The following ROBO1 variants were observed in gnomAD, a reference collection of about 807,000 sequenced individuals.
The protein encoded by ROBO1 is roundabout homolog 1.
In ROBO1, 149 loss-of-function variants were observed where a neutral mutation model predicts 195.9. That is an observed-to-expected ratio of 0.76 (90% CI 0.67 to 0.87). ROBO1 has a LOEUF of 0.87. ROBO1 is among the 40% of genes least tolerant of loss of function. The pLI is 0.00. For synonymous variants in ROBO1, 816 were observed against 733.2 expected (o/e 1.11, Z -1.82); for missense variants, 1,933 against 2,068.3 (o/e 0.93, Z 1.27).
At chr3:79,584,662 T>C (rs1041820081) in intron 2 of ROBO1, among the ~76,000 whole-genome samples, 12 of 142,290 alleles carry the variant, frequency 8.4e-5, no homozygotes, top group African/African-American at 2.5e-4. Flanking sequence ...CACACACACA[T>C]ACACGTACAC....
chr3:78,898,388 T>TG (rs1363414777), intron 4 of ROBO1, among the ~76,000 whole-genome samples: 2 of 135,668 alleles, frequency 1.5e-5, no homozygotes, highest in African/African-American at 5.6e-5. Flanking sequence ...GGGTTTTTTT[T>TG]TTTTTTTTTT....
chr3:79,219,593 T>G (rs1293575017), intron 2 of ROBO1, among the ~76,000 whole-genome samples: 1 of 152,046 alleles, frequency 6.6e-6, no homozygotes, highest in African/African-American at 2.4e-5. Context: ...CACAATTATC[T>G]GCTTGACCTG....
At chr3:79,193,483 A>G (rs1376949396) in intron 2 of ROBO1, among the ~76,000 whole-genome samples, 1 of 151,404 alleles carries the variant, frequency 6.6e-6, no homozygotes. Flanking sequence ...AATGGCAGTC[A>G]GGATTCAGAG....
intron 2 of ROBO1, among the ~76,000 whole-genome samples, chr3:79,318,705 T>C (rs569808590): frequency 6.6e-6 from 1 of 152,206 alleles, no homozygotes; most frequent in Non-Finnish European, 1.5e-5. Flanking sequence ...TTCATTGTTT[T>C]ATCTAGGGTC....
chr3:78,861,326 T>C (rs1387769078), intron 4 of ROBO1, among the ~76,000 whole-genome samples: 5 of 152,140 alleles, frequency 3.3e-5, no homozygotes, highest in African/African-American at 1.2e-4. Context: ...ATAACATAAT[T>C]GCCTCTTTCC....
chr3:79,111,302 C>T (rs963816721), intron 3 of ROBO1, among the ~76,000 whole-genome samples: 7 of 152,116 alleles, frequency 4.6e-5, no homozygotes, highest in African/African-American at 1.7e-4. Context: ...TTAACCAGGC[C>T]TCTTGTGTGA....
intron 1 of ROBO1, among the ~76,000 whole-genome samples, chr3:79,741,747 TAG>T (rs1490852412): frequency 6.6e-6 from 1 of 152,124 alleles, no homozygotes; most frequent in Non-Finnish European, 1.5e-5. Flanking sequence ...TGGAACTTTC[TAG>T]AGTCTTGTTA....
At chr3:78,631,438 T>C in intron 24 of ROBO1, 133 bp from the exon 25 acceptor site, 1 of 1,031,016 alleles carries the variant, frequency 9.7e-7, no homozygotes. Flanking sequence ...TGCTTTTTCA[T>C]TAATTTTAAA....
chr3:79,395,321 C>CAAAAAAAAAAAAAAAA (rs71631647), intron 2 of ROBO1, among the ~76,000 whole-genome samples: 5 of 50,122 alleles, frequency 1.0e-4, no homozygotes, highest in Non-Finnish European at 1.4e-4. Context: ...GACTCCGTCT[C>CAAAAAAAAAAAAAAAA]AAAAAAAAAA....
intron 1 of ROBO1, among the ~76,000 whole-genome samples, chr3:79,665,441 A>C (rs1350486645): frequency 6.6e-6 from 1 of 151,890 alleles, no homozygotes; most frequent in East Asian, 1.9e-4. Flanking sequence ...TCTATGAACA[A>C]TGATCATTTA....
chr3:79,733,913 A>G (rs947337298), intron 1 of ROBO1, among the ~76,000 whole-genome samples: 1 of 151,218 alleles, frequency 6.6e-6, no homozygotes, highest in African/African-American at 2.4e-5. Context: ...TTACCTTATG[A>G]TAAGACTCAC....
intron 2 of ROBO1, among the ~76,000 whole-genome samples, chr3:79,338,497 T>C (rs1576994383): frequency 6.6e-6 from 1 of 152,292 alleles, no homozygotes; most frequent in South Asian, 2.1e-4. Context: ...ACTTCTATAG[T>C]TCGTAATTGT....
chr3:79,160,233 A>T (rs1303876111), intron 2 of ROBO1, among the ~76,000 whole-genome samples: 1 of 139,636 alleles, frequency 7.2e-6, no homozygotes, highest in Non-Finnish European at 1.5e-5. Flanking sequence ...CCTTTAAAAA[A>T]ATGTGTGTGT....
intron 2 of ROBO1, among the ~76,000 whole-genome samples, chr3:79,292,615 C>G (rs929180197): frequency 2.5e-4 from 38 of 152,086 alleles, no homozygotes; most frequent in African/African-American, 9.2e-4. Context: ...AAGGCCTTTT[C>G]TTTATCTATT....
At chr3:79,713,422 G>A (rs2107243441) in intron 1 of ROBO1, among the ~76,000 whole-genome samples, 1 of 152,222 alleles carries the variant, frequency 6.6e-6, no homozygotes, top group African/African-American at 2.4e-5. Flanking sequence ...ATTCATGGGA[G>A]AAGGTCAAAA....
At chr3:78,670,360 C>A in intron 10 of ROBO1, 59 bp from the exon 11 acceptor site, 2 of 1,406,646 alleles carry the variant, frequency 1.4e-6, no homozygotes. Flanking sequence ...TTCTAATCAT[C>A]CAAGCAACAG....
intron 2 of ROBO1, among the ~76,000 whole-genome samples, chr3:79,270,709 G>A (rs2030470456): frequency 6.6e-6 from 1 of 151,722 alleles, no homozygotes; most frequent in African/African-American, 2.4e-5. Flanking sequence ...TCAGCTCTAG[G>A]GCTGCCAATT....
chr3:79,051,578 A>C (rs1244495320), intron 3 of ROBO1, among the ~76,000 whole-genome samples: 1 of 152,186 alleles, frequency 6.6e-6, no homozygotes, highest in East Asian at 1.9e-4. Context: ...TCATCCTGAC[A>C]CCAAAGCCTG....
At chr3:79,666,877 G>A (rs149198850) in intron 1 of ROBO1, among the ~76,000 whole-genome samples, 403 of 151,842 alleles carry the variant, frequency 2.7e-3, no homozygotes, top group Non-Finnish European at 5.0e-3. Flanking sequence ...TATTGACTTG[G>A]TGAAAATTGC....
Sources: gnomAD v4.1 joint callset for allele counts (sites outside exome capture counted in the v4.1 genomes callset) on GRCh38, gnomAD v4.1.1 for gene constraint, MANE v1.5 for transcripts, NCBI Gene and HGNC (gene_info 2026-07-23, HGNC 2026-07-21) for gene names.